Variants in MCMDC2 observed in about 807,000 individuals in gnomAD.
MCMDC2 encodes the protein minichromosome maintenance domain-containing protein 2.
In MCMDC2, 54 loss-of-function variants were observed where a neutral mutation model predicts 75.8. The observed-to-expected ratio is 0.71, with a 90% CI of 0.57 to 0.89. The LOEUF (loss-of-function observed/expected upper bound fraction) is 0.89. Ranked by LOEUF, MCMDC2 falls within the 40% of genes least tolerant of loss-of-function variation. MCMDC2 has a pLI of 0.00. For synonymous variants in MCMDC2, 249 were observed against 274.6 expected (o/e 0.91, Z 0.92); for missense variants, 656 against 780.4 (o/e 0.84, Z 1.90).
At chr8:66,898,186 T>G (rs1812450509) in intron 12 of MCMDC2, among the ~76,000 whole-genome samples, 3 of 152,210 alleles carry the variant, frequency 2.0e-5, no homozygotes, top group Admixed American at 2.0e-4. Context: ...TTGCCCATTT[T>G]TTTACCTGAG....
At position 66,870,848 on chromosome 8, in the gene MCMDC2, A is replaced by G. The variant is rs867942486; in HGVS notation, c.-89+17A>G. The G allele has an allele frequency of 4.6e-5, 7 of 152,282 alleles. No homozygotes were observed. The highest frequency in any genetic ancestry group is 1.7e-4 in the African/African-American group (7 of 41,468). 9.4% of individuals were successfully genotyped at this position (152,282 alleles called of 1,614,324 possible). ...GGAGTCAAGGTGAGTGCAAAGCACT[A>G]CAGCGCTGGGGTCCCACTAACTCGA... On this transcript the variant is annotated intron_variant, in intron 1 of 14. Coordinates refer to ENST00000422365, the MANE Select transcript of MCMDC2 (RefSeq NM_173518.5).
intron 11 of MCMDC2, 112 bp downstream of exon 11, chr8:66,896,448 C>A: frequency 2.0e-6 from 2 of 983,712 alleles, no homozygotes; most frequent in Non-Finnish European, 2.9e-6. Context: ...TTATTGAGTA[C>A]CAGAACTACA....
chr8:66,922,000 T>C lies in MCMDC2; in HGVS notation c.*2831T>C, dbSNP rs1398149506. ...TTAGCCAAATATGTATTTTTCTCCA[T>C]AATTTATTGTGATGTTATCAACATC... On this transcript the variant is annotated 3_prime_UTR_variant, in exon 15 of 15. Coordinates refer to ENST00000422365, the MANE Select transcript of MCMDC2 (RefSeq NM_173518.5). 6.5e-6 allele frequency: 1 copy of C among 152,822 alleles called. No individual in the cohort carries two copies. Among genetic ancestry groups the C allele is most frequent in the Non-Finnish European group, 1.5e-5 (1 of 68,422 alleles). The allele number at this position is 152,822 out of a possible 1,614,324, so 9.5% of individuals were successfully genotyped here.
intron 14 of MCMDC2, among the ~76,000 whole-genome samples, chr8:66,909,523 G>C (rs1585907457): frequency 2.0e-5 from 3 of 152,270 alleles, no homozygotes; most frequent in African/African-American, 7.2e-5. Context: ...ATGAAGTCCA[G>C]GCTGAGGTGG....
chr8:66,871,825 G>A (rs1811032518), intron 1 of MCMDC2, among the ~76,000 whole-genome samples: 2 of 151,752 alleles, frequency 1.3e-5, no homozygotes, highest in African/African-American at 2.4e-5. Flanking sequence ...GCTTGAGCCC[G>A]GGAGGTAGAG....
chr8:66,905,438 AT>A, intron 14 of MCMDC2, 103 bp downstream of exon 14: 2 of 1,021,742 alleles, frequency 2.0e-6, no homozygotes, highest in Non-Finnish European at 2.5e-6. Context: ...TTAAAATATT[AT>A]TTTAAAGAAT....
rs772884453 is a variant in MCMDC2 at position 66,896,248 on chromosome 8, C to T, written c.1358C>T (p.Pro453Leu). Residue 453 changes from proline to leucine, a missense_variant, in exon 11 of 15, where the codon CCA (proline) becomes CTA (leucine). By Grantham distance (98) the Pro-to-Leu change is moderately conservative. Coordinates refer to ENST00000422365, the MANE Select transcript of MCMDC2 (RefSeq NM_173518.5). ...GATATTGATCAACAGATGACTTTTC[C>T]AGTTCAGTGCAGTTTTTGGTCTTTT... Reference protein sequence around the residue: ...GEDIDQQMTFPVQCSFWSFVD... With the variant: ...GEDIDQQMTFLVQCSFWSFVD... The T allele has an allele frequency of 1.9e-6, 3 of 1,611,736 alleles. No homozygotes were observed. The highest frequency in any genetic ancestry group is 4.5e-5 in the East Asian group (2 of 44,780).
At chr8:66,880,609 A>G (rs942354611) in intron 7 of MCMDC2, among the ~76,000 whole-genome samples, 7 of 152,222 alleles carry the variant, frequency 4.6e-5, no homozygotes, top group Non-Finnish European at 7.3e-5. Flanking sequence ...TCTAGTTGCT[A>G]TATCACATGC....
intron 7 of MCMDC2, among the ~76,000 whole-genome samples, chr8:66,879,518 G>A (rs368020178): frequency 2.7e-5 from 4 of 150,164 alleles, no homozygotes; most frequent in African/African-American, 7.3e-5. Flanking sequence ...ACTTGAACCC[G>A]GGAGGCAGAG....
intron 9 of MCMDC2, among the ~76,000 whole-genome samples, chr8:66,886,415 T>A (rs1811843338): frequency 6.6e-6 from 1 of 152,114 alleles, no homozygotes; most frequent in African/African-American, 2.4e-5. Context: ...TCCACCCGCC[T>A]TGGCCTCCCA....
intron 12 of MCMDC2, among the ~76,000 whole-genome samples, chr8:66,898,153 C>A (rs1050028028): frequency 6.6e-6 from 1 of 152,020 alleles, no homozygotes; most frequent in Non-Finnish European, 1.5e-5. Context: ...TAAATATGGA[C>A]AGGCTAATGG....
chr8:66,926,315 G>A (rs544493199), downstream of MCMDC2: 3 of 152,340 alleles, frequency 2.0e-5, no homozygotes, highest in African/African-American at 4.8e-5. Flanking sequence ...GGAGCAGAAA[G>A]GCTTATGATC....
intron 5 of MCMDC2, among the ~76,000 whole-genome samples, chr8:66,878,002 A>C (rs1433903137): frequency 6.6e-6 from 1 of 152,182 alleles, no homozygotes; most frequent in East Asian, 1.9e-4. Context: ...ACTTTGCATA[A>C]TCTTGAAATG....
intron 12 of MCMDC2, among the ~76,000 whole-genome samples, chr8:66,900,510 GA>G (rs897911467): frequency 1.8e-4 from 27 of 151,074 alleles, no homozygotes; most frequent in Non-Finnish European, 3.0e-4. Context: ...GGTAGTGTCA[GA>G]AAAAAAACAG....
At chr8:66,897,025 C>T in intron 12 of MCMDC2, 66 bp downstream of exon 12, 1 of 1,370,686 alleles carries the variant, frequency 7.3e-7, no homozygotes, top group Non-Finnish European at 1.0e-6. Flanking sequence ...TATAGAAGTC[C>T]TTTTGAGTGC....
At chr8:66,876,712 A>G (rs184435635) in intron 4 of MCMDC2, among the ~76,000 whole-genome samples, 204 of 152,134 alleles carry the variant, frequency 1.3e-3, no homozygotes, top group African/African-American at 4.2e-3. Flanking sequence ...TACCTGGTTG[A>G]CATTGTTTTA....
chr8:66,912,605 A>G (rs1191674235), intron 14 of MCMDC2, among the ~76,000 whole-genome samples: 1 of 152,244 alleles, frequency 6.6e-6, no homozygotes, highest in African/African-American at 2.4e-5. Flanking sequence ...TTATGCAGCC[A>G]TAAAAAAGAA....
intron 10 of MCMDC2, among the ~76,000 whole-genome samples, 161 bp downstream of exon 10, chr8:66,891,231 A>C (rs1812093055): frequency 6.6e-6 from 1 of 152,252 alleles, no homozygotes; most frequent in African/African-American, 2.4e-5. Flanking sequence ...ACAGAAATTT[A>C]ATGTGCAAAT....
chr8:66,875,291 T>G (rs1343607473), intron 4 of MCMDC2, among the ~76,000 whole-genome samples: 1 of 152,296 alleles, frequency 6.6e-6, no homozygotes, highest in Non-Finnish European at 1.5e-5. Flanking sequence ...TCTTCTTTCT[T>G]TTTTTGAGAA....
Sources: allele counts gnomAD v4.1 joint callset (sites outside exome capture counted in the v4.1 genomes callset), GRCh38; gene constraint gnomAD v4.1.1; transcripts MANE v1.5; gene names NCBI Gene and HGNC (gene_info 2026-07-23, HGNC 2026-07-21).